The following WDR25 variants were observed in gnomAD, a reference collection of about 807,000 sequenced individuals.
WDR25 encodes the protein WD repeat domain 25.
In WDR25, 35 loss-of-function variants were observed where a neutral mutation model predicts 47.7. That is an observed-to-expected ratio of 0.73 (90% CI 0.56 to 0.97). The LOEUF (loss-of-function observed/expected upper bound fraction) is 0.97. WDR25 is among the 50% of genes least tolerant of loss of function. WDR25 has a pLI of 0.00. For missense variants in WDR25, 634 were observed against 704.7 expected (o/e 0.90, Z 1.14); for synonymous variants, 248 against 278.9 (o/e 0.89, Z 1.10).
chr14:100,438,868 A>G (rs986710521), intron 2 of WDR25, among the ~76,000 whole-genome samples: 5 of 152,264 alleles, frequency 3.3e-5, no homozygotes, highest in Admixed American at 6.5e-5. Flanking sequence ...TCAGGGTCAC[A>G]CAGCTGGTAA....
rs1418920103 is a variant in WDR25 at position 100,440,270 on chromosome 14, GCAAATGA to G, written c.823-27750_823-27744del. On this transcript the variant is annotated intron_variant, in intron 2 of 6. Transcript: ENST00000402312. The surrounding 1 kb of genome is among the most constrained non-coding windows in gnomAD (Gnocchi z 4.4). ...TTCCTCTTGGATGCGTTTGCACCTGGCAAATGAATGTGCAGGAATTCTTTGATTGCAA... is the reference window on the plus strand; with the variant it reads ...TTCCTCTTGGATGCGTTTGCACCTGGATGTGCAGGAATTCTTTGATTGCAA... 6.6e-6 allele frequency among the ~76,000 whole-genome samples: 1 copy of G among 152,200 alleles called. No individual in the cohort carries two copies. The highest frequency in any genetic ancestry group is 1.9e-4 in the East Asian group (1 of 5,204).
At chr14:100,473,908 C>A (rs911879711) in intron 3 of WDR25, among the ~76,000 whole-genome samples, 1 of 152,178 alleles carries the variant, frequency 6.6e-6, no homozygotes, top group African/African-American at 2.4e-5. Context: ...CCTCAGGTGC[C>A]CACAGACCCA....
chr14:100,474,274 C>T (rs1203312284), intron 3 of WDR25, among the ~76,000 whole-genome samples: 5 of 152,158 alleles, frequency 3.3e-5, no homozygotes. Flanking sequence ...ACCCTAGTTA[C>T]GGATATTAAA....
At chr14:100,464,706 T>TC (rs1248603106) in intron 2 of WDR25, among the ~76,000 whole-genome samples, 2 of 82,552 alleles carry the variant, frequency 2.4e-5, no homozygotes, top group Non-Finnish European at 2.3e-5. Flanking sequence ...CATCTCATCC[T>TC]CCCCTACCCC....
In WDR25 at chr14:100,475,560, T is replaced by C. The variant is rs868192415; in HGVS notation, c.970+7392T>C. 8.5e-5 allele frequency among the ~76,000 whole-genome samples: 13 copies of C among 152,266 alleles called. 1 individual carries two copies. The South Asian group carries it at 1.2e-3, about 15-fold the overall frequency. On this transcript the variant is annotated intron_variant, in intron 3 of 6. Transcript: ENST00000402312. ...GACAAATACTGCATGATCTCACTTA[T>C]ATGTGGAAGCTAAAAAAGTTGATCT...
In WDR25 at chr14:100,496,828, C is replaced by CTTTTTTTTT. The variant is rs1226765543; in HGVS notation, c.1101+12720_1101+12728dup. The stretch of plus-strand genomic sequence containing the variant: ...TTTCTTTTTCTTTTTTTCTTTAATT[C>CTTTTTTTTT]TTTTTTTTTTTTTTTTTTTTTTTTG... On this transcript the variant is annotated intron_variant, in intron 4 of 6. Coordinates refer to ENST00000402312, the MANE Select transcript of WDR25 (RefSeq NM_001161476.3). 1.2e-3 allele frequency among the ~76,000 whole-genome samples: 91 copies of CTTTTTTTTT among 73,424 alleles called. 1 individual carries two copies. The highest frequency in any genetic ancestry group is 1.5e-3 in the Non-Finnish European group (62 of 40,772). The allele number at this position is 73,424 out of a possible 152,430, so 48.2% of individuals were successfully genotyped here.
At chr14:100,437,733 C>T (rs1898543647) in intron 2 of WDR25, among the ~76,000 whole-genome samples, 1 of 152,162 alleles carries the variant, frequency 6.6e-6, no homozygotes, top group Non-Finnish European at 1.5e-5. Flanking sequence ...CCCCCATTCT[C>T]TCCCTCTACC....
chr14:100,524,062 C>A (rs1234968857), intron 4 of WDR25, among the ~76,000 whole-genome samples: 1 of 152,118 alleles, frequency 6.6e-6, no homozygotes, highest in Non-Finnish European at 1.5e-5. Context: ...GCTTGTTTCC[C>A]AGCCATTCAC....
In WDR25 at chr14:100,381,370, A is replaced by G. The variant is rs2273800; in HGVS notation, c.446A>G (p.His149Arg). The G allele has an allele frequency of 0.74, 1,192,619 of 1,614,014 alleles. 447,731 individuals are homozygous for G. Among genetic ancestry groups the G allele is most frequent in the South Asian group, 0.86 (78,597 of 91,080 alleles). Residue 149 changes from histidine to arginine, a missense_variant, in exon 2 of 7, where the codon CAT becomes CGT. Physicochemically the swap from His to Arg is conservative, Grantham distance 29. Transcript: ENST00000402312. Reference sequence around the variant, plus strand: ...AGGAACTTTCCCAAGTCATCTTTCCATGCTCAAAGTGAGTCTGAAACCGTA... The same window carrying G: ...AGGAACTTTCCCAAGTCATCTTTCCGTGCTCAAAGTGAGTCTGAAACCGTA... ...LSRNFPKSSF[H>R]AQSESETVGK...
At chr14:100,401,809 G>C (rs998651417) in intron 2 of WDR25, among the ~76,000 whole-genome samples, 1 of 152,202 alleles carries the variant, frequency 6.6e-6, no homozygotes, top group African/African-American at 2.4e-5. Flanking sequence ...GGCTCTGCAC[G>C]TGTCTTAGTT....
chr14:100,440,979 C>T lies in WDR25; in HGVS notation c.823-27042C>T, dbSNP rs1223855105. 5.3e-5 allele frequency among the ~76,000 whole-genome samples: 8 copies of T among 152,076 alleles called. No individual in the cohort carries two copies. The highest frequency in any genetic ancestry group is 1.4e-4 in the African/African-American group (6 of 41,414). On this transcript the variant is annotated intron_variant, in intron 2 of 6. Coordinates refer to ENST00000402312, the MANE Select transcript of WDR25 (RefSeq NM_001161476.3). This position sits in a 1 kb window ranked among gnomAD's most constrained non-coding sequence, Gnocchi z 4.4. ...GCTGCTGAATTTGTGTCAAAGTACC[C>T]GGTCCCTGGCATTTTGAGAAAGGGA...
intron 4 of WDR25, among the ~76,000 whole-genome samples, chr14:100,520,251 A>T (rs1901673012): frequency 6.6e-6 from 1 of 151,764 alleles, no homozygotes; most frequent in South Asian, 2.1e-4. Context: ...GACAAAATAT[A>T]TTATTGTTTA....
rs1182338316 is a variant in WDR25, at chr14:100,425,102, C to T, written c.823-42919C>T. 2.6e-5 allele frequency among the ~76,000 whole-genome samples: 4 copies of T among 152,198 alleles called. No homozygotes were observed. Among genetic ancestry groups the T allele is most frequent in the Non-Finnish European group, 5.9e-5 (4 of 68,046 alleles). On this transcript the variant is annotated intron_variant, in intron 2 of 6. Transcript: ENST00000402312. This position sits in a 1 kb window ranked among gnomAD's most constrained non-coding sequence, Gnocchi z 4.8. The stretch of plus-strand genomic sequence containing the variant: ...TCTCCCCTGCCTCCCCTTCATGCCC[C>T]CAGGCAGCCAGGATTTTTCTAAAAA...
chr14:100,408,315 C>T (rs1021403760), intron 2 of WDR25, among the ~76,000 whole-genome samples: 1 of 152,122 alleles, frequency 6.6e-6, no homozygotes, highest in Admixed American at 6.5e-5. Context: ...CCCACAATTT[C>T]AGTATCAATG....
chr14:100,391,669 T>C (rs1214276509), intron 2 of WDR25, among the ~76,000 whole-genome samples: 1 of 151,554 alleles, frequency 6.6e-6, no homozygotes, highest in Admixed American at 6.6e-5. Context: ...AAAAAAAGAT[T>C]CAACATAGTT....
intron 4 of WDR25, among the ~76,000 whole-genome samples, chr14:100,495,933 T>C (rs1374308978): frequency 1.3e-5 from 2 of 152,262 alleles, no homozygotes; most frequent in Non-Finnish European, 2.9e-5. Context: ...TGTGTGGATA[T>C]ATGTTTTCAT....
intron 2 of WDR25, among the ~76,000 whole-genome samples, chr14:100,444,549 TGGCCCCAGGCCCCA>T (rs3842316): frequency 2.0e-5 from 3 of 150,922 alleles, no homozygotes; most frequent in Admixed American, 2.0e-4. Flanking sequence ...CTTCTTGCAC[TGGCCCCAGGCCCCA>T]GGCCCCAGGC....
At chr14:100,408,185 A>G (rs1897600183) in intron 2 of WDR25, among the ~76,000 whole-genome samples, 1 of 152,052 alleles carries the variant, frequency 6.6e-6, no homozygotes, top group Non-Finnish European at 1.5e-5. Flanking sequence ...GAAAAACCCT[A>G]AGGAGACCTC....
At chr14:100,387,231 G>A (rs1407663011) in intron 2 of WDR25, among the ~76,000 whole-genome samples, 1 of 152,008 alleles carries the variant, frequency 6.6e-6, no homozygotes, top group African/African-American at 2.4e-5. Flanking sequence ...TACCTGTCTT[G>A]ATTAGTTATA....
Sources: allele counts gnomAD v4.1 joint callset (sites outside exome capture counted in the v4.1 genomes callset), GRCh38; gene constraint gnomAD v4.1.1; non-coding constraint Gnocchi (gnomAD v3.1); transcripts MANE v1.5; gene names NCBI Gene and HGNC (gene_info 2026-07-23, HGNC 2026-07-21).